The following KCNH5 variants were observed in gnomAD, a reference collection of about 807,000 sequenced individuals.
The protein encoded by KCNH5 is potassium voltage-gated channel subfamily H member 5, also known as voltage-gated delayed rectifier potassium channel KCNH5.
KCNH5 carries 46 observed loss-of-function variants against 96.1 expected under a neutral mutation model. That is an observed-to-expected ratio of 0.48 (90% CI 0.38 to 0.61). KCNH5 has a LOEUF of 0.61. Ranked by LOEUF, KCNH5 falls within the 20% of genes least tolerant of loss-of-function variation. The probability of loss-of-function intolerance (pLI) is 0.00; values close to 1 mark genes in which losing one functional copy is unlikely to be tolerated. For synonymous variants in KCNH5, 439 were observed against 449.8 expected (o/e 0.98, Z 0.30); for missense variants, 907 against 1,225.8 (o/e 0.74, Z 3.88).
At chr14:62,754,946 C>G (rs1389128599) in intron 10 of KCNH5, among the ~76,000 whole-genome samples, 2 of 94,160 alleles carry the variant, frequency 2.1e-5, no homozygotes, top group African/African-American at 3.2e-5. Context: ...AAATAGACTT[C>G]AAGACAAAAA....
At chr14:62,950,055 G>T (rs750023942) in intron 7 of KCNH5, 78 bp downstream of exon 7, 1 of 1,278,322 alleles carries the variant, frequency 7.8e-7, no homozygotes, top group Non-Finnish European at 1.1e-6. Context: ...AAAGTAGTTC[G>T]TTTTCATCCT....
At chr14:62,713,887 C>T (rs1884627123) in intron 10 of KCNH5, among the ~76,000 whole-genome samples, 1 of 152,146 alleles carries the variant, frequency 6.6e-6, no homozygotes, top group Non-Finnish European at 1.5e-5. Context: ...TTTTGAGTGA[C>T]ACTGAATATT....
At chr14:63,032,722 G>C (rs188274606) in intron 1 of KCNH5, among the ~76,000 whole-genome samples, 2 of 152,066 alleles carry the variant, frequency 1.3e-5, no homozygotes, top group Non-Finnish European at 2.9e-5. Context: ...CTAATTACCC[G>C]GATCTTTTCT....
chr14:62,915,960 C>CTTT (rs71451285), intron 7 of KCNH5, among the ~76,000 whole-genome samples: 2 of 136,160 alleles, frequency 1.5e-5, no homozygotes, highest in Non-Finnish European at 3.2e-5. Flanking sequence ...TCTTTTTTTT[C>CTTT]TTTTTTTTTT....
chr14:62,928,698 G>A (rs1250069128), intron 7 of KCNH5, among the ~76,000 whole-genome samples: 1 of 151,978 alleles, frequency 6.6e-6, no homozygotes, highest in Non-Finnish European at 1.5e-5. Context: ...TGACCTGTAA[G>A]AGGAACTTCC....
chr14:62,708,110 C>G lies in KCNH5; in HGVS notation c.2365G>C (p.Gly789Arg), dbSNP rs140205536. 6.2e-7 allele frequency: 1 copy of G among 1,614,190 alleles called. No homozygotes were observed. Among genetic ancestry groups the G allele is most frequent in the Admixed American group, 1.7e-5 (1 of 60,034 alleles). The change falls in exon 11 of 11, where the codon GGT becomes CGT. Residue 789 changes from glycine (G) to arginine (R), a missense_variant. This residue lies in a region of KCNH5 where 362 missense variants were observed against 394.4 expected (regional missense o/e 0.92). Coordinates refer to ENST00000322893, the MANE Select transcript of KCNH5 (RefSeq NM_139318.5). ...RDAMELKPNG[G>R]ADQKCLKVNS... The stretch of plus-strand genomic sequence containing the variant: ...ACTTTGAGACATTTTTGGTCAGCAC[C>G]GCCGTTGGGCTTGAGTTCCATGGCA...
At chr14:62,870,256 C>A (rs1157679004) in intron 7 of KCNH5, among the ~76,000 whole-genome samples, 1 of 152,170 alleles carries the variant, frequency 6.6e-6, no homozygotes, top group Non-Finnish European at 1.5e-5. Flanking sequence ...TGTAAATATT[C>A]TCATGCATTT....
At chr14:63,027,201 C>A (rs373716101) in intron 1 of KCNH5, among the ~76,000 whole-genome samples, 1 of 151,806 alleles carries the variant, frequency 6.6e-6, no homozygotes, top group Non-Finnish European at 1.5e-5. Flanking sequence ...AGGGTGGGGA[C>A]ATTGGGGAGA....
intron 8 of KCNH5, among the ~76,000 whole-genome samples, chr14:62,807,267 C>G (rs1319932046): frequency 6.6e-6 from 1 of 152,108 alleles, no homozygotes; most frequent in Non-Finnish European, 1.5e-5. Context: ...AATAATAACT[C>G]AGAAACTTGC....
At chr14:62,708,603 C>T (rs958546907) in intron 10 of KCNH5, 148 bp from the exon 11 acceptor site, 15 of 544,736 alleles carry the variant, frequency 2.8e-5, no homozygotes, top group African/African-American at 2.1e-4. Context: ...AATTTAAATA[C>T]CATTTATGGA....
At chr14:63,000,497 T>C (rs1007360752) in intron 4 of KCNH5, among the ~76,000 whole-genome samples, 5 of 152,200 alleles carry the variant, frequency 3.3e-5, no homozygotes, top group Non-Finnish European at 5.9e-5. Context: ...TCAATAAGAC[T>C]ACAGTCAGAA....
At chr14:62,710,064 A>G (rs1884536221) in intron 10 of KCNH5, among the ~76,000 whole-genome samples, 1 of 152,170 alleles carries the variant, frequency 6.6e-6, no homozygotes. Context: ...ATCTGAAACC[A>G]TTTACTATCT....
At chr14:62,754,464 T>TAA (rs554374147) in intron 10 of KCNH5, among the ~76,000 whole-genome samples, 2 of 144,114 alleles carry the variant, frequency 1.4e-5, no homozygotes, top group African/African-American at 2.5e-5. Flanking sequence ...AAGGGATGAT[T>TAA]AAAAAAAAAA....
chr14:62,987,769 GA>G (rs1360207065), intron 4 of KCNH5, among the ~76,000 whole-genome samples: 1 of 152,196 alleles, frequency 6.6e-6, no homozygotes, highest in Non-Finnish European at 1.5e-5. Context: ...ACATGAGCAA[GA>G]AATGTGCTTC....
At chr14:62,818,876 A>C (rs1887054569) in intron 8 of KCNH5, among the ~76,000 whole-genome samples, 1 of 152,234 alleles carries the variant, frequency 6.6e-6, no homozygotes, top group Non-Finnish European at 1.5e-5. Flanking sequence ...AATAATGGTT[A>C]CAGGAAACAA....
intron 7 of KCNH5, among the ~76,000 whole-genome samples, chr14:62,854,028 CAA>C (rs991495937): frequency 1.7e-5 from 2 of 119,922 alleles, no homozygotes; most frequent in East Asian, 7.0e-4. Flanking sequence ...ACAAAAAAAA[CAA>C]AAAAAACAAC....
chr14:62,777,317 G>T (rs1886118106), intron 10 of KCNH5, among the ~76,000 whole-genome samples: 1 of 152,142 alleles, frequency 6.6e-6, no homozygotes, highest in Non-Finnish European at 1.5e-5. Context: ...TGACTCCTAG[G>T]TTATTAGGGA....
chr14:62,913,938 T>G (rs1050217852), intron 7 of KCNH5, among the ~76,000 whole-genome samples: 2 of 152,110 alleles, frequency 1.3e-5, no homozygotes, highest in South Asian at 4.1e-4. Flanking sequence ...ATCATTTATA[T>G]AAAAATCAAA....
intron 7 of KCNH5, among the ~76,000 whole-genome samples, chr14:62,937,983 G>A (rs1161887360): frequency 6.6e-6 from 1 of 152,182 alleles, no homozygotes; most frequent in Non-Finnish European, 1.5e-5. Flanking sequence ...CCCAGTCTAA[G>A]AAAAGTTCCC....
Sources: gnomAD v4.1 joint callset for allele counts (sites outside exome capture counted in the v4.1 genomes callset) on GRCh38, gnomAD v4.1.1 for gene constraint, gnomAD v4.1.1 regional missense constraint, MANE v1.5 for transcripts, NCBI Gene and HGNC (gene_info 2026-07-23, HGNC 2026-07-21) for gene names.